The following PCLO variants were observed in gnomAD, a reference collection of about 807,000 sequenced individuals.
PCLO encodes the protein protein piccolo.
Under a neutral mutation model 427.5 loss-of-function variants are expected in PCLO, and 82 were observed. That is an observed-to-expected ratio of 0.19 (90% CI 0.16 to 0.23). The LOEUF (loss-of-function observed/expected upper bound fraction) is 0.23, where lower values mean the gene tolerates loss of function less well. Among genes scored for constraint, PCLO ranks in the 10% least tolerant of loss-of-function variants. The pLI, the probability that PCLO is intolerant of heterozygous loss-of-function variation, is 1.00. For synonymous variants in PCLO, 2,357 were observed against 2,155.4 expected (o/e 1.09, Z -2.59); for missense variants, 6,239 against 6,115.9 (o/e 1.02, Z -0.67).
intron 3 of PCLO, among the ~76,000 whole-genome samples, chr7:83,093,268 C>T (rs978999763): frequency 2.0e-5 from 3 of 151,294 alleles, no homozygotes; most frequent in Non-Finnish European, 4.4e-5. Flanking sequence ...TAAATCTACT[C>T]ATTTTAAATA....
At chr7:82,946,114 C>G (rs965757658) in intron 6 of PCLO, among the ~76,000 whole-genome samples, 14 of 152,120 alleles carry the variant, frequency 9.2e-5, no homozygotes, top group Non-Finnish European at 1.5e-4. Context: ...TAAAAATAAA[C>G]AAAGTGAAAG....
chr7:82,765,168 A>G (rs1368765747), intron 22 of PCLO, among the ~76,000 whole-genome samples: 1 of 151,898 alleles, frequency 6.6e-6, no homozygotes, highest in East Asian at 1.9e-4. Context: ...AATAATGGTA[A>G]TAAAACACTA....
intron 3 of PCLO, among the ~76,000 whole-genome samples, chr7:83,017,523 A>T (rs1055625104): frequency 6.6e-6 from 1 of 152,028 alleles, no homozygotes; most frequent in African/African-American, 2.4e-5. Context: ...CAGATCAAGC[A>T]GATCACATAG....
chr7:83,026,076 C>A (rs1454449177), intron 3 of PCLO, among the ~76,000 whole-genome samples: 9 of 151,706 alleles, frequency 5.9e-5, no homozygotes, highest in South Asian at 2.1e-4. Context: ...CTAACATCAT[C>A]ATGACAGGAT....
intron 22 of PCLO, among the ~76,000 whole-genome samples, chr7:82,798,691 AC>A (rs1791279726): frequency 6.6e-6 from 1 of 152,136 alleles, no homozygotes; most frequent in Non-Finnish European, 1.5e-5. Flanking sequence ...CATATTATTA[AC>A]TTTTTAAAAT....
intron 3 of PCLO, among the ~76,000 whole-genome samples, chr7:82,967,196 T>C (rs1021064346): frequency 2.0e-5 from 3 of 146,828 alleles, no homozygotes; most frequent in Admixed American, 6.7e-5. Context: ...TTTCTTCTTT[T>C]CTTTTTTTTT....
chr7:83,113,507 GA>G (rs2116532612), intron 3 of PCLO, among the ~76,000 whole-genome samples: 1 of 152,216 alleles, frequency 6.6e-6, no homozygotes, highest in African/African-American at 2.4e-5. Flanking sequence ...GGCATAACAG[GA>G]AAAAGCAAGG....
intron 3 of PCLO, among the ~76,000 whole-genome samples, chr7:83,027,708 T>C (rs1340796907): frequency 5.8e-4 from 76 of 132,142 alleles, no homozygotes; most frequent in African/African-American, 2.0e-3. Flanking sequence ...AAATCCTCAA[T>C]AAAATACTGG....
intron 3 of PCLO, among the ~76,000 whole-genome samples, chr7:83,060,118 G>T (rs975999913): frequency 6.6e-6 from 1 of 152,154 alleles, no homozygotes; most frequent in Admixed American, 6.6e-5. Flanking sequence ...ATTCCAGACT[G>T]CAGAGACAGC....
intron 3 of PCLO, among the ~76,000 whole-genome samples, chr7:83,097,904 T>C (rs1790636207): frequency 6.6e-6 from 1 of 152,064 alleles, no homozygotes; most frequent in Non-Finnish European, 1.5e-5. Flanking sequence ...CTTTAACAAA[T>C]AAAATTAATT....
rs533736747 is a variant in PCLO, at chr7:82,830,717, A to G, written c.14250-2751T>C. Among the ~76,000 whole-genome samples, 6 of 152,180 alleles carry G rather than the reference A, an allele frequency of 3.9e-5. No individual in the cohort carries two copies. In the South Asian group the frequency reaches 1.2e-3, roughly 31 times the overall value. Reference sequence around the variant, plus strand: ...TAAAAAATACATAATTTGTTTAACAAGATGGGAATTAATATCAAATGCAAA... The same window carrying G: ...TAAAAAATACATAATTTGTTTAACAGGATGGGAATTAATATCAAATGCAAA... On this transcript the variant is annotated intron_variant, in intron 16 of 24. Transcript: ENST00000333891.
At chr7:82,781,581 T>C (rs1206642699) in intron 22 of PCLO, among the ~76,000 whole-genome samples, 3 of 152,236 alleles carry the variant, frequency 2.0e-5, no homozygotes, top group African/African-American at 7.2e-5. Flanking sequence ...TTGGTTTTCA[T>C]CCAGGGTTCC....
chr7:82,770,079 T>C (rs1033339939), intron 22 of PCLO, among the ~76,000 whole-genome samples: 1 of 152,136 alleles, frequency 6.6e-6, no homozygotes, highest in Non-Finnish European at 1.5e-5. Flanking sequence ...AAGTGTAATT[T>C]GATTTTCCTT....
At chr7:83,133,772 T>C (rs1665851624) in intron 3 of PCLO, among the ~76,000 whole-genome samples, 1 of 152,094 alleles carries the variant, frequency 6.6e-6, no homozygotes. Flanking sequence ...TAGTAGATTT[T>C]ATGGTGTTTA....
intron 4 of PCLO, among the ~76,000 whole-genome samples, chr7:82,962,220 A>G (rs1168157230): frequency 6.6e-6 from 1 of 152,170 alleles, no homozygotes; most frequent in East Asian, 1.9e-4. Context: ...TGTAATTTTC[A>G]GAAAATAAGT....
At chr7:82,807,899 A>G (rs1460186388) in intron 20 of PCLO, among the ~76,000 whole-genome samples, 1 of 152,052 alleles carries the variant, frequency 6.6e-6, no homozygotes, top group Non-Finnish European at 1.5e-5. Flanking sequence ...TGGAAACAGA[A>G]TAGTTATGTT....
intron 3 of PCLO, among the ~76,000 whole-genome samples, chr7:82,992,760 A>G (rs2115852221): frequency 6.6e-6 from 1 of 151,456 alleles, no homozygotes; most frequent in South Asian, 2.1e-4. Flanking sequence ...AAAGTAAAAG[A>G]AAAAAAAATG....
intron 3 of PCLO, among the ~76,000 whole-genome samples, chr7:83,108,547 GAT>G (rs1207260047): frequency 4.6e-5 from 7 of 151,808 alleles, no homozygotes; most frequent in African/African-American, 1.7e-4. Context: ...GCTCAAATGA[GAT>G]AGAAAATATT....
At position 83,012,554 on chromosome 7, in the gene PCLO, T is replaced by C. The variant is rs147038710; in HGVS notation, c.3301-46067A>G. Among the ~76,000 whole-genome samples, 223 of 140,648 alleles carry C rather than the reference T, an allele frequency of 1.6e-3. 1 individual carries two copies. The highest frequency in any genetic ancestry group is 5.6e-3 in the African/African-American group (212 of 37,582). 92.3% of individuals were successfully genotyped at this position (140,648 alleles called of 152,430 possible). On this transcript the variant is annotated intron_variant, in intron 3 of 24. Transcript: ENST00000333891. ...ATCACTTGAACCCAGGAGGCAGAGG[T>C]TGCGGTGAGCCGAGATCGCACAATT...
Sources: allele counts gnomAD v4.1 joint callset (sites outside exome capture counted in the v4.1 genomes callset), GRCh38; gene constraint gnomAD v4.1.1; transcripts MANE v1.5; gene names NCBI Gene and HGNC (gene_info 2026-07-23, HGNC 2026-07-21).